Variants in ABCB7 observed in about 807,000 individuals in gnomAD.
The protein encoded by ABCB7 is ATP binding cassette subfamily B member 7, also known as iron-sulfur clusters transporter ABCB7, mitochondrial.
ABCB7 carries 7 observed loss-of-function variants against 54.4 expected under a neutral mutation model. The observed-to-expected ratio is 0.13, with a 90% CI of 0.07 to 0.24. The LOEUF (loss-of-function observed/expected upper bound fraction) is 0.24. ABCB7 is among the 10% of genes least tolerant of loss of function. The probability of loss-of-function intolerance (pLI) is 1.00; values close to 1 mark genes in which losing one functional copy is unlikely to be tolerated. For missense variants in ABCB7, 356 were observed against 570.4 expected, an observed-to-expected ratio of 0.62 and a Z score of 3.83; for synonymous variants, 218 against 207.1, an observed-to-expected ratio of 1.05 and a Z score of -0.45.
intron 1 of ABCB7, among the ~76,000 whole-genome samples, chrX:75,122,861 G>GGTGTGTGTGT (rs58879235): frequency 0.037 from 3,408 of 93,071 alleles, 68 homozygotes; most frequent in African/African-American, 0.061. Flanking sequence ...TTAAAATTGG[G>GGTGTGTGTGT]GTGTGTGTGT....
chrX:75,102,309 C>T (rs2147508544), intron 3 of ABCB7, among the ~76,000 whole-genome samples: 1 of 110,885 alleles, frequency 9.0e-6, no homozygotes, highest in Non-Finnish European at 1.9e-5. Flanking sequence ...GGTTTGTACC[C>T]ATTGACCAAT....
chrX:75,108,336 C>T (rs1304399322), intron 3 of ABCB7, among the ~76,000 whole-genome samples: 1 of 111,464 alleles, frequency 9.0e-6, no homozygotes, highest in Non-Finnish European at 1.9e-5. Flanking sequence ...CTGGCTTTGC[C>T]ACCTGCTGAC....
At chrX:75,061,207 T>C (rs1471004299) in intron 14 of ABCB7, among the ~76,000 whole-genome samples, 1 of 111,680 alleles carries the variant, frequency 9.0e-6, no homozygotes, top group Non-Finnish European at 1.9e-5. Context: ...AACTCTGACA[T>C]CCTACTGAAG....
At chrX:75,141,890 G>GA (rs2082056646) in intron 1 of ABCB7, among the ~76,000 whole-genome samples, 1 of 111,323 alleles carries the variant, frequency 9.0e-6, no homozygotes, top group African/African-American at 3.3e-5. Context: ...ATGTCCAAAC[G>GA]AAACAGGAGC....
intron 3 of ABCB7, among the ~76,000 whole-genome samples, chrX:75,109,541 T>C (rs1316128689): frequency 9.0e-6 from 1 of 111,632 alleles, no homozygotes; most frequent in Non-Finnish European, 1.9e-5. Context: ...CCTTAGCCGA[T>C]GAGGAATTTC....
intron 14 of ABCB7, among the ~76,000 whole-genome samples, 157 bp from the exon 15 acceptor site, chrX:75,060,487 A>C (rs1379768874): frequency 8.9e-6 from 1 of 111,856 alleles, no homozygotes; most frequent in African/African-American, 3.2e-5. Flanking sequence ...ATTAGACCTA[A>C]TCTAATATCT....
At chrX:75,144,732 A>AAT (rs1370307192) in intron 1 of ABCB7, among the ~76,000 whole-genome samples, 1 of 109,909 alleles carries the variant, frequency 9.1e-6, no homozygotes, top group Non-Finnish European at 1.9e-5. Flanking sequence ...CCTAAGTATA[A>AAT]ATAGCTCTTT....
chrX:75,141,769 G>A (rs1000462716), intron 1 of ABCB7, among the ~76,000 whole-genome samples: 13 of 110,882 alleles, frequency 1.2e-4, no homozygotes, highest in Non-Finnish European at 1.1e-4. Context: ...CTGACAAACC[G>A]CCCTCCAGAA....
rs142819775 is a variant in ABCB7 at position 75,104,109 on chromosome X, C to G, written c.334-5048G>C. Among the ~76,000 whole-genome samples the G allele has an allele frequency of 2.1e-3, 133 of 61,915 alleles. 2 individuals carry two copies. The East Asian group carries it at 0.04, about 18-fold the overall frequency. 53.8% of individuals were successfully genotyped at this position (61,915 alleles called of 115,157 possible). On this transcript the variant is annotated intron_variant, in intron 3 of 15. Coordinates refer to ENST00000373394, the MANE Select transcript of ABCB7 (RefSeq NM_001271696.3). ...TTGTGGAAAGGCTTTCAACTCTTCC[C>G]TATTCGGTATGTTGTTAGCTGTGGG...
intron 1 of ABCB7, among the ~76,000 whole-genome samples, chrX:75,115,266 CAAAAAAAAAAAAAAAAAA>C (rs1160024642): frequency 9.8e-4 from 13 of 13,253 alleles, no homozygotes; most frequent in Non-Finnish European, 1.4e-3. Context: ...GACTCTGTCT[CAAAAAAAAAAAAAAAAAA>C]AAAAAAAAAA....
chrX:75,055,351 G>A (rs1328748560), intron 15 of ABCB7, among the ~76,000 whole-genome samples: 1 of 108,448 alleles, frequency 9.2e-6, no homozygotes, highest in Admixed American at 9.9e-5. Context: ...TCATTAGCAT[G>A]TATCTCCTAA....
At chrX:75,111,407 C>A (rs2147521104) in intron 3 of ABCB7, among the ~76,000 whole-genome samples, 1 of 112,129 alleles carries the variant, frequency 8.9e-6, no homozygotes, top group African/African-American at 3.2e-5. Context: ...TATTTAAGAG[C>A]TTTAACATGG....
At chrX:75,075,324 T>C in intron 6 of ABCB7, 38 bp downstream of exon 6, 1 of 1,193,205 alleles carries the variant, frequency 8.4e-7, no homozygotes, top group Non-Finnish European at 1.1e-6. Flanking sequence ...TAATGAGAAT[T>C]TAAGATAAAA....
intron 3 of ABCB7, among the ~76,000 whole-genome samples, chrX:75,101,084 C>A (rs113356497): frequency 3.7e-5 from 4 of 109,208 alleles, no homozygotes; most frequent in African/African-American, 1.3e-4. Context: ...GAGTTTACAC[C>A]AAAGTGTCAA....
chrX:75,058,712 A>G (rs2081260571), intron 15 of ABCB7, among the ~76,000 whole-genome samples: 1 of 111,725 alleles, frequency 9.0e-6, no homozygotes, highest in Admixed American at 9.5e-5. Flanking sequence ...ATGGTGTAAA[A>G]TAAGTGTATA....
chrX:75,075,804 C>G (rs1322397877), intron 5 of ABCB7, among the ~76,000 whole-genome samples, 174 bp from the exon 6 acceptor site: 2 of 111,810 alleles, frequency 1.8e-5, no homozygotes, highest in Non-Finnish European at 3.8e-5. Context: ...TGAGTATTAA[C>G]TTTTCCACCA....
intron 1 of ABCB7, among the ~76,000 whole-genome samples, chrX:75,120,331 C>T (rs1319246716): frequency 3.6e-5 from 4 of 112,033 alleles, no homozygotes; most frequent in African/African-American, 1.3e-4. Context: ...GTTTTCTTGG[C>T]TGGGCATGGT....
chrX:75,057,388 T>G (rs2081249418), intron 15 of ABCB7, among the ~76,000 whole-genome samples: 1 of 110,543 alleles, frequency 9.0e-6, no homozygotes, highest in Non-Finnish European at 1.9e-5. Context: ...TCCTTTACTT[T>G]TTTTTTTTTA....
chrX:75,071,024 T>A (rs1211242585), intron 9 of ABCB7, among the ~76,000 whole-genome samples: 1 of 109,830 alleles, frequency 9.1e-6, no homozygotes. Flanking sequence ...TAGGTCACAG[T>A]GAATGAATGA....
Sources: gnomAD v4.1 joint callset for allele counts (sites outside exome capture counted in the v4.1 genomes callset) on GRCh38, gnomAD v4.1.1 for gene constraint, MANE v1.5 for transcripts, NCBI Gene and HGNC (gene_info 2026-07-23, HGNC 2026-07-21) for gene names.